Variants in TAF4B observed in about 807,000 individuals in gnomAD.
TAF4B encodes the protein TATA-box binding protein associated factor 4b.
TAF4B carries 38 observed loss-of-function variants against 86.4 expected under a neutral mutation model. The observed-to-expected ratio is 0.44, with a 90% CI of 0.34 to 0.58. The LOEUF (loss-of-function observed/expected upper bound fraction) is 0.58, where lower values mean the gene tolerates loss of function less well. Among genes scored for constraint, TAF4B ranks in the 20% least tolerant of loss-of-function variants. The pLI is 0.02. For synonymous variants in TAF4B, 388 were observed against 391.2 expected (o/e 0.99, Z 0.10); for missense variants, 988 against 1,027.6 (o/e 0.96, Z 0.53).
intron 14 of TAF4B, among the ~76,000 whole-genome samples, chr18:26,388,623 G>A (rs1420540693): frequency 6.6e-6 from 1 of 152,152 alleles, no homozygotes; most frequent in Non-Finnish European, 1.5e-5. Context: ...GAGTAGATTG[G>A]CCTAGAATGG....
chr18:26,264,719 T>C (rs2056214675), intron 1 of TAF4B, among the ~76,000 whole-genome samples: 1 of 152,250 alleles, frequency 6.6e-6, no homozygotes, highest in Non-Finnish European at 1.5e-5. Context: ...ATTTTATCTT[T>C]TTCGTATAGA....
At chr18:26,342,313 A>T (rs548239646) in intron 13 of TAF4B, among the ~76,000 whole-genome samples, 55 of 152,106 alleles carry the variant, frequency 3.6e-4, no homozygotes, top group Admixed American at 2.2e-3. Flanking sequence ...ACATTTTTTG[A>T]TTTCCCATAT....
chr18:26,306,605 C>G (rs771341948), intron 9 of TAF4B, among the ~76,000 whole-genome samples: 1 of 152,086 alleles, frequency 6.6e-6, no homozygotes, highest in Non-Finnish European at 1.5e-5. Context: ...TATTTATAAT[C>G]TCAGCTATTT....
intron 1 of TAF4B, among the ~76,000 whole-genome samples, chr18:26,235,656 CG>C (rs2055737454): frequency 6.6e-6 from 1 of 152,196 alleles, no homozygotes; most frequent in South Asian, 2.1e-4. Context: ...GCAAGACTGT[CG>C]ATGTGGGATG....
rs975114860 is a variant in TAF4B, at chr18:26,227,337, C to T, written c.343+61C>T. The T allele has an allele frequency of 2.6e-6, 4 of 1,510,926 alleles. No individual in the cohort carries two copies. The East Asian group carries it at 9.5e-5, about 36-fold the overall frequency. The allele number at this position is 1,510,926 out of a possible 1,614,324, so 93.6% of individuals were successfully genotyped here. ...TCCAGCTGGCGGCGACGGGAAAATTCGCAGCTCCAGATTGCTCCTAAAAAA... is the reference window on the plus strand; with the variant it reads ...TCCAGCTGGCGGCGACGGGAAAATTTGCAGCTCCAGATTGCTCCTAAAAAA... On this transcript the variant is annotated intron_variant, in intron 1 of 14. Coordinates refer to ENST00000269142, the MANE Select transcript of TAF4B (RefSeq NM_005640.3).
At chr18:26,383,471 TGAA>T (rs1426656848) in intron 14 of TAF4B, among the ~76,000 whole-genome samples, 1 of 152,014 alleles carries the variant, frequency 6.6e-6, no homozygotes, top group Non-Finnish European at 1.5e-5. Context: ...TTCCTTGAAA[TGAA>T]GAGGAGGAAG....
chr18:26,358,477 A>C (rs750409401), intron 14 of TAF4B, among the ~76,000 whole-genome samples: 4 of 152,176 alleles, frequency 2.6e-5, no homozygotes, highest in African/African-American at 7.2e-5. Flanking sequence ...TTGGGAGGCC[A>C]AGGCGGGCGG....
At chr18:26,335,075 T>C in intron 12 of TAF4B, 100 bp from the exon 13 acceptor site, 5 of 864,862 alleles carry the variant, frequency 5.8e-6, no homozygotes, top group East Asian at 2.7e-5. Flanking sequence ...AGCTAAGATA[T>C]TCAATCACAA....
intron 9 of TAF4B, among the ~76,000 whole-genome samples, chr18:26,310,334 T>C (rs2056840396): frequency 1.3e-5 from 2 of 152,188 alleles, no homozygotes; most frequent in Non-Finnish European, 2.9e-5. Context: ...GATGTGTGTT[T>C]GACATTGAGA....
intron 7 of TAF4B, among the ~76,000 whole-genome samples, chr18:26,287,666 G>C (rs1280025548): frequency 1.3e-5 from 2 of 152,146 alleles, no homozygotes; most frequent in Non-Finnish European, 2.9e-5. Flanking sequence ...GAATGTCCTT[G>C]TTCTCTTTTG....
At chr18:26,346,781 G>GTATATATA (rs1159806367) in intron 13 of TAF4B, among the ~76,000 whole-genome samples, 1 of 19,348 alleles carries the variant, frequency 5.2e-5, no homozygotes, top group Non-Finnish European at 1.2e-4. Context: ...ATATGTGTGT[G>GTATATATA]TATATATATA....
At chr18:26,270,624 G>A (rs1285764130) in intron 3 of TAF4B, among the ~76,000 whole-genome samples, 1 of 152,138 alleles carries the variant, frequency 6.6e-6, no homozygotes, top group African/African-American at 2.4e-5. Flanking sequence ...GCCTTTATTA[G>A]TAGTTTTTAT....
At chr18:26,359,580 A>G (rs993754761) in intron 14 of TAF4B, among the ~76,000 whole-genome samples, 4 of 152,300 alleles carry the variant, frequency 2.6e-5, no homozygotes, top group Admixed American at 6.5e-5. Context: ...AATTTTCTTT[A>G]TATCTGAAAT....
chr18:26,334,490 A>C (rs1013219424), intron 12 of TAF4B, among the ~76,000 whole-genome samples: 2 of 152,192 alleles, frequency 1.3e-5, no homozygotes, highest in African/African-American at 4.8e-5. Flanking sequence ...TGGTGTCAGA[A>C]ATAAAGTTCC....
In TAF4B at chr18:26,352,013, C is replaced by T. The variant is rs116905183; in HGVS notation, c.2317-5677C>T. Among the ~76,000 whole-genome samples the T allele has an allele frequency of 8.1e-3, 1,230 of 151,814 alleles. 6 individuals carry two copies. The highest frequency in any genetic ancestry group is 0.014 in the Admixed American group (218 of 15,236). ...TATATTGTAATCCCTAGAGCCGTCA[C>T]TAAAAATTAATATAAAACATTTAGA... On this transcript the variant is annotated intron_variant, in intron 13 of 14. Coordinates refer to ENST00000269142, the MANE Select transcript of TAF4B (RefSeq NM_005640.3).
intron 9 of TAF4B, among the ~76,000 whole-genome samples, chr18:26,300,148 AT>A (rs1003344694): frequency 2.6e-5 from 4 of 151,826 alleles, no homozygotes; most frequent in African/African-American, 9.7e-5. Flanking sequence ...TGCCCGGCTA[AT>A]TTTTTTAATT....
intron 1 of TAF4B, among the ~76,000 whole-genome samples, chr18:26,259,282 T>G (rs1460350459): frequency 6.6e-6 from 1 of 152,060 alleles, no homozygotes; most frequent in Non-Finnish European, 1.5e-5. Context: ...CTGTTTATTT[T>G]TCTTCTTTTT....
At chr18:26,267,968 GATGCAGGCCCA>G (rs2056263495) in intron 3 of TAF4B, among the ~76,000 whole-genome samples, 1 of 152,218 alleles carries the variant, frequency 6.6e-6, no homozygotes, top group African/African-American at 2.4e-5. Context: ...GTTTAAACTA[GATGCAGGCCCA>G]ATAAAGCCTT....
intron 1 of TAF4B, among the ~76,000 whole-genome samples, chr18:26,235,314 C>T (rs989217514): frequency 1.3e-5 from 2 of 152,050 alleles, no homozygotes; most frequent in African/African-American, 2.4e-5. Flanking sequence ...CAAGGAACCC[C>T]CGCAACTGTT....
Sources: allele counts gnomAD v4.1 joint callset (sites outside exome capture counted in the v4.1 genomes callset), GRCh38; gene constraint gnomAD v4.1.1; transcripts MANE v1.5; gene names NCBI Gene and HGNC (gene_info 2026-07-23, HGNC 2026-07-21).